The following KCNIP4 variants were observed in gnomAD, a reference collection of about 807,000 sequenced individuals.
KCNIP4 encodes the protein Kv channel-interacting protein 4.
A neutral mutation model predicts 34.0 loss-of-function variants in KCNIP4; 12 were observed. That is an observed-to-expected ratio of 0.35 (90% CI 0.23 to 0.57). The LOEUF (loss-of-function observed/expected upper bound fraction) is 0.57, where lower values mean the gene tolerates loss of function less well. Among genes scored for constraint, KCNIP4 ranks in the 20% least tolerant of loss-of-function variants. The probability of loss-of-function intolerance (pLI) is 0.83; values close to 1 mark genes in which losing one functional copy is unlikely to be tolerated. For synonymous variants in KCNIP4, 124 were observed against 102.2 expected, an observed-to-expected ratio of 1.21 and a Z score of -1.29; for missense variants, 238 against 311.7, an observed-to-expected ratio of 0.76 and a Z score of 1.78.
At chr4:21,652,989 C>T (rs943666362) in intron 1 of KCNIP4, among the ~76,000 whole-genome samples, 2 of 152,130 alleles carry the variant, frequency 1.3e-5, no homozygotes, top group African/African-American at 4.8e-5. Flanking sequence ...ATAATTCAAT[C>T]CGCCTGCTGG....
intron 1 of KCNIP4, among the ~76,000 whole-genome samples, chr4:21,307,085 G>C (rs1427375342): frequency 6.6e-6 from 1 of 152,136 alleles, no homozygotes; most frequent in Non-Finnish European, 1.5e-5. Context: ...GACCCCCAAA[G>C]TCCTGGGATT....
intron 1 of KCNIP4, among the ~76,000 whole-genome samples, chr4:21,748,240 C>T (rs367716748): frequency 1.3e-5 from 2 of 152,116 alleles, no homozygotes; most frequent in East Asian, 3.9e-4. Flanking sequence ...GGAAACAGCA[C>T]CAAAAGAGCA....
intron 1 of KCNIP4, among the ~76,000 whole-genome samples, chr4:21,070,638 TC>T (rs1744807345): frequency 6.6e-6 from 1 of 151,200 alleles, no homozygotes; most frequent in Non-Finnish European, 1.5e-5. Flanking sequence ...ATTTGAATTG[TC>T]TGTTTTTACT....
At chr4:20,859,165 T>C (rs1262217115) in intron 2 of KCNIP4, among the ~76,000 whole-genome samples, 1 of 152,072 alleles carries the variant, frequency 6.6e-6, no homozygotes, top group Non-Finnish European at 1.5e-5. Flanking sequence ...AAGAAACACA[T>C]GGTAGAATAA....
At chr4:20,961,563 T>C (rs1387046017) in intron 1 of KCNIP4, among the ~76,000 whole-genome samples, 1 of 152,176 alleles carries the variant, frequency 6.6e-6, no homozygotes, top group Non-Finnish European at 1.5e-5. Flanking sequence ...GAAATTGATA[T>C]AGATAACTCA....
intron 1 of KCNIP4, among the ~76,000 whole-genome samples, chr4:21,449,966 C>T (rs114526126): frequency 2.0e-3 from 308 of 152,218 alleles, no homozygotes; most frequent in African/African-American, 7.2e-3. Context: ...CATTCTTTTA[C>T]TCATTAGCCC....
rs868427150 is a variant in KCNIP4, at chr4:21,353,960, C to T, written c.62-471251G>A. On this transcript the variant is annotated intron_variant, in intron 1 of 8. Transcript: ENST00000382152. ...CTAACAGTGGATCTCTTGGCAGAAA[C>T]CCTACAACCCAGAAGATAGTGGGGG... Among the ~76,000 whole-genome samples, 6 of 152,276 alleles carry T rather than the reference C, an allele frequency of 3.9e-5. No individual in the cohort carries two copies. In the South Asian group the frequency reaches 1.2e-3, roughly 32 times the overall value.
intron 1 of KCNIP4, among the ~76,000 whole-genome samples, chr4:20,946,241 C>CT (rs1277978519): frequency 6.6e-6 from 1 of 152,056 alleles, no homozygotes; most frequent in Non-Finnish European, 1.5e-5. Flanking sequence ...CAGGTTCTGC[C>CT]TATGGTTGGA....
intron 1 of KCNIP4, among the ~76,000 whole-genome samples, chr4:21,666,558 ATTC>A (rs2108999576): frequency 6.6e-6 from 1 of 152,356 alleles, no homozygotes; most frequent in East Asian, 1.9e-4. Flanking sequence ...GAAAGTTAAT[ATTC>A]TTCTGAAAAA....
At chr4:21,308,716 G>GTC (rs910615894) in intron 1 of KCNIP4, among the ~76,000 whole-genome samples, 14 of 121,604 alleles carry the variant, frequency 1.2e-4, no homozygotes, top group African/African-American at 4.0e-4. Flanking sequence ...GTGTGAGTGT[G>GTC]TGTGTGTGTG....
chr4:20,930,065 C>T (rs1225756594), intron 1 of KCNIP4, among the ~76,000 whole-genome samples: 1 of 151,666 alleles, frequency 6.6e-6, no homozygotes, highest in Non-Finnish European at 1.5e-5. Flanking sequence ...ACAGAATAGG[C>T]AAAGGAACAA....
At chr4:20,898,198 T>G (rs1726769414) in intron 1 of KCNIP4, among the ~76,000 whole-genome samples, 1 of 152,196 alleles carries the variant, frequency 6.6e-6, no homozygotes, top group Non-Finnish European at 1.5e-5. Flanking sequence ...CCAACTTGAT[T>G]ATGCCACTGA....
At chr4:21,128,365 G>A (rs1459290698) in intron 1 of KCNIP4, among the ~76,000 whole-genome samples, 2 of 152,272 alleles carry the variant, frequency 1.3e-5, no homozygotes, top group African/African-American at 4.8e-5. Flanking sequence ...TGAAGCATGC[G>A]ATGTTTCAGA....
At position 21,556,920 on chromosome 4, in the gene KCNIP4, C is replaced by CAAAAAAAAAAAAAAAAA. The variant is rs1281543089; in HGVS notation, c.61+391650_61+391651insTTTTTTTTTTTTTTTTT. Among the ~76,000 whole-genome samples, 22 of 35,632 alleles carry CAAAAAAAAAAAAAAAAA rather than the reference C, an allele frequency of 6.2e-4. 3 individuals carry two copies. The highest frequency in any genetic ancestry group is 4.3e-3 in the South Asian group (4 of 932). 23.4% of individuals were successfully genotyped at this position (35,632 alleles called of 152,430 possible). A position where few individuals can be genotyped will look rare whatever the true frequency, so the allele number is the denominator to read the frequency against. ...TGATCAACAAAGCAAGACTCCATCT[C>CAAAAAAAAAAAAAAAAA]AGAAAAAAAAAAAAAAAAAAAAACC... On this transcript the variant is annotated intron_variant, in intron 1 of 8. Coordinates refer to ENST00000382152, the MANE Select transcript of KCNIP4 (RefSeq NM_025221.6).
intron 1 of KCNIP4, among the ~76,000 whole-genome samples, chr4:21,870,976 C>T (rs1461554774): frequency 2.0e-5 from 3 of 151,936 alleles, no homozygotes; most frequent in African/African-American, 7.3e-5. Context: ...ATACCAAATA[C>T]TAGTAAAGGA....
chr4:21,876,547 G>A (rs1298921557), intron 1 of KCNIP4, among the ~76,000 whole-genome samples: 1 of 152,094 alleles, frequency 6.6e-6, no homozygotes, highest in Non-Finnish European at 1.5e-5. Flanking sequence ...TAAGTGGAAA[G>A]AAAACTGGGG....
chr4:21,447,157 C>T (rs415104), intron 1 of KCNIP4, among the ~76,000 whole-genome samples: 127,329 of 152,168 alleles, frequency 0.84, 53,864 homozygotes, highest in African/African-American at 0.96. Flanking sequence ...TACATCCATA[C>T]TTTTATCTTT....
At chr4:20,827,212 G>A (rs890101470) in intron 3 of KCNIP4, among the ~76,000 whole-genome samples, 2 of 152,198 alleles carry the variant, frequency 1.3e-5, no homozygotes, top group Non-Finnish European at 2.9e-5. Flanking sequence ...GAAAAGCTAA[G>A]CTAGCTGAAT....
chr4:20,888,310 T>C (rs1268816664), intron 1 of KCNIP4, among the ~76,000 whole-genome samples: 3 of 152,146 alleles, frequency 2.0e-5, no homozygotes, highest in South Asian at 2.1e-4. Flanking sequence ...CAGTGCTTAG[T>C]ATATAAAATG....
Sources: gnomAD v4.1 joint callset for allele counts (sites outside exome capture counted in the v4.1 genomes callset) on GRCh38, gnomAD v4.1.1 for gene constraint, MANE v1.5 for transcripts, NCBI Gene and HGNC (gene_info 2026-07-23, HGNC 2026-07-21) for gene names.